Variants in OIP5 observed in about 807,000 individuals in gnomAD.
OIP5 encodes Opa interacting protein 5.
In OIP5, 24 loss-of-function variants were observed where a neutral mutation model predicts 20.3. The ratio of observed to expected loss-of-function variants is 1.18; its 90% CI spans 0.86 to 1.66. OIP5 has a LOEUF of 1.66. OIP5 is among the 40% of genes most tolerant of loss of function. The pLI is 0.00. For missense variants in OIP5, 339 were observed against 289.5 expected, an observed-to-expected ratio of 1.17 and a Z score of -1.24; for synonymous variants, 143 against 121.3, an observed-to-expected ratio of 1.18 and a Z score of -1.17.
chr15:41,329,288 A>T (rs1300358476), intron 2 of OIP5, among the ~76,000 whole-genome samples: 1 of 150,806 alleles, frequency 6.6e-6, no homozygotes, highest in Non-Finnish European at 1.5e-5. Flanking sequence ...CCACAAATAC[A>T]GAAACACATG....
At chr15:41,331,783 C>T in intron 2 of OIP5, 132 bp downstream of exon 2, 2 of 746,894 alleles carry the variant, frequency 2.7e-6, no homozygotes, top group African/African-American at 1.7e-5. Flanking sequence ...TTCATTAATA[C>T]ATCAAGTTCA....
intron 2 of OIP5, among the ~76,000 whole-genome samples, chr15:41,329,089 AAAG>A (rs1170679360): frequency 1.3e-5 from 2 of 149,216 alleles, no homozygotes; most frequent in Admixed American, 6.7e-5. Flanking sequence ...AAAAAAAAAA[AAAG>A]AATAAAAAGA....
At chr15:41,326,270 T>C (rs773496703) in intron 2 of OIP5, among the ~76,000 whole-genome samples, 2 of 152,138 alleles carry the variant, frequency 1.3e-5, no homozygotes, top group African/African-American at 4.8e-5. Context: ...TAAGTTCAGA[T>C]AGTGAGATTA....
At chr15:41,328,301 G>T (rs2047874189) in intron 2 of OIP5, among the ~76,000 whole-genome samples, 1 of 152,202 alleles carries the variant, frequency 6.6e-6, no homozygotes, top group African/African-American at 2.4e-5. Flanking sequence ...TTACAGGCGT[G>T]AGCCAGCATG....
intron 3 of OIP5, among the ~76,000 whole-genome samples, chr15:41,317,747 T>G (rs2140460963): frequency 6.6e-6 from 1 of 152,218 alleles, no homozygotes; most frequent in Middle Eastern, 3.4e-3. Context: ...GACACAATCA[T>G]AGCTCACTGT....
Position 41,321,524 on chromosome 15 carries a change from T to C in OIP5, c.390-1744A>G, listed in dbSNP as rs1208648004. Among the ~76,000 whole-genome samples, 226 of 152,322 alleles carry C rather than the reference T, an allele frequency of 1.5e-3. 1 individual carries two copies. Among genetic ancestry groups the C allele is most frequent in the African/African-American group, 5.1e-3 (213 of 41,570 alleles). On this transcript the variant is annotated intron_variant, in intron 2 of 4. Transcript: ENST00000220514. ...AAAGATTGAGAAATCGGATGGCTGC[T>C]GTGTCTGTGTAGAAAGAAGTAGACA...
chr15:41,321,939 AT>A (rs2047832916), intron 2 of OIP5, among the ~76,000 whole-genome samples: 2 of 151,872 alleles, frequency 1.3e-5, no homozygotes, highest in South Asian at 4.1e-4. Context: ...AAATAAATAA[AT>A]AAATAAATAA....
At chr15:41,327,276 G>A (rs776332254) in intron 2 of OIP5, among the ~76,000 whole-genome samples, 7 of 151,678 alleles carry the variant, frequency 4.6e-5, no homozygotes, top group Non-Finnish European at 7.4e-5. Flanking sequence ...CCGCCTCCTG[G>A]GTTCAAGCGA....
chr15:41,323,463 T>G (rs2047842332), intron 2 of OIP5, among the ~76,000 whole-genome samples: 1 of 152,194 alleles, frequency 6.6e-6, no homozygotes, highest in South Asian at 2.1e-4. Context: ...CCAGCTGCAA[T>G]AGCCCCTAAC....
intron 3 of OIP5, among the ~76,000 whole-genome samples, chr15:41,316,618 G>A (rs779047580): frequency 3.3e-5 from 5 of 151,636 alleles, no homozygotes; most frequent in African/African-American, 7.3e-5. Context: ...GTGAAACCCC[G>A]TCTCTACTAA....
chr15:41,318,197 C>CT (rs1310775983), intron 3 of OIP5, among the ~76,000 whole-genome samples: 1 of 152,182 alleles, frequency 6.6e-6, no homozygotes, highest in Non-Finnish European at 1.5e-5. Context: ...GAGTCTAGCT[C>CT]TGTCACCCAG....
chr15:41,325,248 CA>C (rs535463921), intron 2 of OIP5, among the ~76,000 whole-genome samples: 231 of 151,782 alleles, frequency 1.5e-3, no homozygotes, highest in Non-Finnish European at 2.3e-3. Context: ...ACTAAAACTA[CA>C]AAAAAATTAG....
chr15:41,312,908 G>A (rs1213827795), intron 4 of OIP5, among the ~76,000 whole-genome samples: 4 of 151,220 alleles, frequency 2.6e-5, no homozygotes, highest in African/African-American at 9.7e-5. Context: ...GATTACAGGC[G>A]TGAGCCACCA....
At chr15:41,317,917 C>T (rs1428624083) in intron 3 of OIP5, among the ~76,000 whole-genome samples, 1 of 151,912 alleles carries the variant, frequency 6.6e-6, no homozygotes, top group Non-Finnish European at 1.5e-5. Context: ...TAAGCTCAAA[C>T]AATCCTCCAA....
Position 41,323,686 on chromosome 15 carries a change from G to A in OIP5, c.390-3906C>T, listed in dbSNP as rs529060162. ...GGTTCTTGCTATGTTGCCCAGGCTG[G>A]TCTTGAACTCCTGTGCTCAAGCAAT... On this transcript the variant is annotated intron_variant, in intron 2 of 4. Coordinates refer to ENST00000220514, the MANE Select transcript of OIP5 (RefSeq NM_007280.2). Among the ~76,000 whole-genome samples the A allele has an allele frequency of 5.3e-5, 8 of 150,598 alleles. No homozygotes were observed. The South Asian group carries it at 1.7e-3, about 32-fold the overall frequency.
At position 41,309,826 on chromosome 15, in the gene OIP5, C is replaced by T. The variant is rs755564722; in HGVS notation, c.618G>A (p.Thr206=). Residue 206 remains threonine (T), a synonymous_variant, in exon 5 of 5, where the codon ACG becomes ACA. Coordinates refer to ENST00000220514, the MANE Select transcript of OIP5 (RefSeq NM_007280.2). ...TCATTAGTGATTTTAAGCGATTGTG[C>T]GTTAGCACTATCTTCTCTTTCAGCT... is the stretch of plus-strand genomic sequence containing the variant. ...IAELKEKIVL[T]HNRLKSLMKI... The T allele has an allele frequency of 5.0e-6, 8 of 1,612,866 alleles. No homozygotes were observed. The highest frequency in any genetic ancestry group is 3.3e-5 in the Admixed American group (2 of 59,988).
chr15:41,321,036 C>T (rs896543737), intron 2 of OIP5, among the ~76,000 whole-genome samples: 1 of 148,368 alleles, frequency 6.7e-6, no homozygotes. Flanking sequence ...AGTGAGGAGA[C>T]CCTCCGCCCG....
intron 3 of OIP5, among the ~76,000 whole-genome samples, chr15:41,314,871 A>G (rs2047780017): frequency 6.6e-6 from 1 of 151,432 alleles, no homozygotes; most frequent in Non-Finnish European, 1.5e-5. Context: ...ACCTCAAGTG[A>G]TCCGCCTGCC....
chr15:41,323,542 C>T (rs1230025908), intron 2 of OIP5, among the ~76,000 whole-genome samples: 1 of 152,242 alleles, frequency 6.6e-6, no homozygotes, highest in East Asian at 1.9e-4. Context: ...ACAATCACAG[C>T]TCACTACAGC....
Sources: gnomAD v4.1 joint callset for allele counts (sites outside exome capture counted in the v4.1 genomes callset) on GRCh38, gnomAD v4.1.1 for gene constraint, MANE v1.5 for transcripts, NCBI Gene and HGNC (gene_info 2026-07-23, HGNC 2026-07-21) for gene names.